The following SCAMP3 variants were observed in gnomAD, a reference collection of about 807,000 sequenced individuals.
SCAMP3 encodes the protein secretory carrier membrane protein 3.
Under a neutral mutation model 44.1 loss-of-function variants are expected in SCAMP3, and 30 were observed. That is an observed-to-expected ratio of 0.68 (90% CI 0.51 to 0.92). The LOEUF (loss-of-function observed/expected upper bound fraction) is 0.92. SCAMP3 is among the 40% of genes least tolerant of loss of function. The pLI, the probability that SCAMP3 is intolerant of heterozygous loss-of-function variation, is 0.00. For missense variants in SCAMP3, 394 were observed against 440.0 expected, an observed-to-expected ratio of 0.90 and a Z score of 0.93; for synonymous variants, 168 against 171.1, an observed-to-expected ratio of 0.98 and a Z score of 0.14.
chr1:155,261,022 G>A (rs2148123155), intron 2 of SCAMP3, among the ~76,000 whole-genome samples: 1 of 151,906 alleles, frequency 6.6e-6, no homozygotes, highest in East Asian at 1.9e-4. Context: ...CAAACTCCTG[G>A]GCCCAAGCAG....
At chr1:155,256,864 T>C (rs1385119152) in intron 7 of SCAMP3, 73 bp from the exon 8 acceptor site, 2 of 1,218,218 alleles carry the variant, frequency 1.6e-6, no homozygotes, top group Non-Finnish European at 2.4e-6. Flanking sequence ...CAGCATCCCC[T>C]GTTCCTACCC....
chr1:155,256,588 G>A, intron 8 of SCAMP3, 86 bp downstream of exon 8: 1 of 1,391,386 alleles, frequency 7.2e-7, no homozygotes, highest in Non-Finnish European at 1.0e-6. Flanking sequence ...AGCCTGACCT[G>A]TGCCAGTTGC....
chr1:155,261,831 C>T (rs1672973627), intron 1 of SCAMP3, 97 bp from the exon 2 acceptor site: 4 of 1,137,502 alleles, frequency 3.5e-6, no homozygotes, highest in Non-Finnish European at 5.3e-6. Flanking sequence ...AAGTACTGCA[C>T]CTTCGGGGCC....
At chr1:155,259,268 G>A (rs867866400) in intron 4 of SCAMP3, among the ~76,000 whole-genome samples, 5 of 149,762 alleles carry the variant, frequency 3.3e-5, no homozygotes, top group African/African-American at 9.8e-5. Flanking sequence ...TCCGCCTCCC[G>A]GGTTCAAGTA....
chr1:155,261,992 A>G, intron 1 of SCAMP3, 94 bp downstream of exon 1: 1 of 1,298,392 alleles, frequency 7.7e-7, no homozygotes, highest in South Asian at 1.3e-5. Context: ...TCCCAGGATC[A>G]AATGTCACAA....
In SCAMP3 at chr1:155,262,355, G is replaced by A. The variant is rs1030959371; in HGVS notation, c.-204C>T. ...CTGCGTCTTGTCCAAAAGCTAAGAC[G>A]AAAGTGCCCCCACGTGATACCTCTA... On this transcript the variant is annotated 5_prime_UTR_variant, in exon 1 of 9. Transcript: ENST00000302631. The A allele has an allele frequency of 3.5e-6, 2 of 576,114 alleles. No homozygotes were observed. Among genetic ancestry groups the A allele is most frequent in the Non-Finnish European group, 6.2e-6 (2 of 324,692 alleles). 35.7% of individuals were successfully genotyped at this position (576,114 alleles called of 1,614,324 possible).
Position 155,260,563 on chromosome 1 carries a change from T to G in SCAMP3, c.241A>C (p.Lys81Gln). ...TGAGTGCTGTATGAGCCATAGTTCTTAGGTTCTGTGGGGCTGAGCTTTCTC... is the reference window on the plus strand; with the variant it reads ...TGAGTGCTGTATGAGCCATAGTTCTGAGGTTCTGTGGGGCTGAGCTTTCTC... Reference protein sequence around the residue: ...PSRKLSPTEPKNYGSYSTQAS... With the variant: ...PSRKLSPTEPQNYGSYSTQAS... The change falls in exon 3 of 9, where the codon AAG (lysine) becomes CAG (glutamine). Residue 81 changes from lysine (K) to glutamine (Q), a missense_variant. By Grantham distance (53) the Lys-to-Gln change is moderately conservative (BLOSUM62 1). Transcript: ENST00000302631. 1.2e-6 allele frequency: 2 copies of G among 1,614,146 alleles called. No individual in the cohort carries two copies. The highest frequency in any genetic ancestry group is 2.2e-5 in the South Asian group (2 of 91,080).
chr1:155,260,188 G>C, intron 4 of SCAMP3, 142 bp downstream of exon 4: 1 of 950,394 alleles, frequency 1.1e-6, no homozygotes, highest in Non-Finnish European at 1.6e-6. Context: ...TCGATCTCTT[G>C]ACCTCGTGAT....
In SCAMP3 at chr1:155,258,870, T is replaced by C. The variant is rs1408675262; in HGVS notation, c.473A>G (p.Gln158Arg). ...FFQDISMEIP[Q>R]EFQKTVSTMY... ...GGTGGATACAGTCTTCTGAAATTCT[T>C]GGGGGATCTCCATGGAGATGTCCTG... The change falls in exon 5 of 9, where the codon CAA (glutamine) becomes CGA (arginine). Residue 158 changes from glutamine (Q) to arginine (R), a missense_variant. Gln to Arg is a conservative substitution (Grantham distance 43). Coordinates refer to ENST00000302631, the MANE Select transcript of SCAMP3 (RefSeq NM_005698.4). 1 of 1,613,336 alleles carries C rather than the reference T, an allele frequency of 6.2e-7. No homozygotes were observed. Among genetic ancestry groups the C allele is most frequent in the African/African-American group, 1.3e-5 (1 of 74,906 alleles).
rs556833464 is a variant in SCAMP3, at chr1:155,260,369, C to T, written c.349G>A (p.Glu117Lys). The change falls in exon 4 of 9, where the codon GAG (glutamate) becomes AAG (lysine). Residue 117 changes from glutamate to lysine, a missense_variant. Transcript: ENST00000302631. ...NRKAEELDRR[E>K]RELQHAALGG... Reference sequence around the variant, plus strand: ...AGGGCAGCATGCTGCAGCTCTCGCTCCCTTCGGTCCAACTCCTCTGCCTTC... The same window carrying T: ...AGGGCAGCATGCTGCAGCTCTCGCTTCCTTCGGTCCAACTCCTCTGCCTTC... 1 of 1,613,458 alleles carries T rather than the reference C, an allele frequency of 6.2e-7. No individual in the cohort carries two copies. The highest frequency in any genetic ancestry group is 1.3e-5 in the African/African-American group (1 of 74,932).
intron 4 of SCAMP3, 54 bp downstream of exon 4, chr1:155,260,276 C>G: frequency 1.9e-6 from 3 of 1,599,512 alleles, no homozygotes; most frequent in Non-Finnish European, 2.5e-6. Flanking sequence ...GCCCTTAAGA[C>G]CTGTTTTTGC....
chr1:155,260,201 G>A (rs183915029), intron 4 of SCAMP3, 129 bp downstream of exon 4: 810 of 1,110,026 alleles, frequency 7.3e-4, no homozygotes, highest in Non-Finnish European at 9.7e-4. Flanking sequence ...CTCGTGATCC[G>A]CCCACCTCAG....
chr1:155,261,799 T>G, intron 1 of SCAMP3, 65 bp from the exon 2 acceptor site: 2 of 1,477,950 alleles, frequency 1.4e-6, no homozygotes, highest in Non-Finnish European at 9.4e-7. Context: ...CCAGGGACCA[T>G]TCCCAAACTG....
At chr1:155,261,135 C>G (rs1672951590) in intron 2 of SCAMP3, 1 of 173,464 alleles carries the variant, frequency 5.8e-6, no homozygotes, top group Admixed American at 5.5e-5. Context: ...CGCTGTTGCC[C>G]AGGATGGTCT....
At chr1:155,261,988 G>A (rs1672978288) in intron 1 of SCAMP3, 98 bp downstream of exon 1, 2 of 1,273,916 alleles carry the variant, frequency 1.6e-6, no homozygotes, top group South Asian at 1.3e-5. Flanking sequence ...CTCTTCCCAG[G>A]ATCAAATGTC....
chr1:155,259,046 CTTT>C (rs34682738), intron 4 of SCAMP3, 92 bp from the exon 5 acceptor site: 19,597 of 477,930 alleles, frequency 0.041, no homozygotes, highest in East Asian at 0.077. Flanking sequence ...TGGATCCTCT[CTTT>C]TTTTTTTTTT....
chr1:155,258,773 G>A lies in SCAMP3; in HGVS notation c.517+53C>T. 5.9e-6 allele frequency: 9 copies of A among 1,532,068 alleles called. 1 individual carries two copies. In the South Asian group the frequency reaches 8.7e-5, roughly 15 times the overall value. The allele number at this position is 1,532,068 out of a possible 1,614,324, so 94.9% of individuals were successfully genotyped here. ...TTGGTTCTTGGTGAGCGGACCCCAGGGCAGTTAAGAGATCTACCTGTAACT... is the reference window on the plus strand; with the variant it reads ...TTGGTTCTTGGTGAGCGGACCCCAGAGCAGTTAAGAGATCTACCTGTAACT... On this transcript the variant is annotated intron_variant, in intron 5 of 8. Coordinates refer to ENST00000302631, the MANE Select transcript of SCAMP3 (RefSeq NM_005698.4).
chr1:155,257,790 A>T, intron 5 of SCAMP3, 133 bp from the exon 6 acceptor site: 1 of 782,588 alleles, frequency 1.3e-6, no homozygotes, highest in Non-Finnish European at 2.1e-6. Flanking sequence ...CCTTCATGGA[A>T]TCCTCAACAG....
chr1:155,256,219 C>T lies in SCAMP3; in HGVS notation c.*54G>A, dbSNP rs956636559. 2.8e-5 allele frequency: 42 copies of T among 1,494,030 alleles called. No individual in the cohort carries two copies. The highest frequency in any genetic ancestry group is 4.6e-5 in the Admixed American group (2 of 43,842). 92.5% of individuals were successfully genotyped at this position (1,494,030 alleles called of 1,614,324 possible). ...CTCCAAGTCCCAGAGACCTTAGGGACGGGAGCTAAGTCAGCTCCCTCAAGT... is the reference window on the plus strand; with the variant it reads ...CTCCAAGTCCCAGAGACCTTAGGGATGGGAGCTAAGTCAGCTCCCTCAAGT... On this transcript the variant is annotated 3_prime_UTR_variant, in exon 9 of 9. Coordinates refer to ENST00000302631, the MANE Select transcript of SCAMP3 (RefSeq NM_005698.4).
Sources: allele counts gnomAD v4.1 joint callset (sites outside exome capture counted in the v4.1 genomes callset), GRCh38; gene constraint gnomAD v4.1.1; transcripts MANE v1.5; gene names NCBI Gene and HGNC (gene_info 2026-07-23, HGNC 2026-07-21).